ADCY2: variants seen among roughly 807,000 people sequenced by gnomAD.
ADCY2 encodes adenylate cyclase 2, also known as adenylate cyclase type 2.
ADCY2 carries 31 observed loss-of-function variants against 125.2 expected under a neutral mutation model. That is an observed-to-expected ratio of 0.25 (90% CI 0.19 to 0.33). The LOEUF is 0.33. ADCY2 is among the 10% of genes least tolerant of loss of function. ADCY2 has a pLI of 1.00. For synonymous variants in ADCY2, 512 were observed against 548.4 expected, an observed-to-expected ratio of 0.93 and a Z score of 0.93; for missense variants, 904 against 1,418.2, an observed-to-expected ratio of 0.64 and a Z score of 5.82.
chr5:7,477,924 A>G (rs186452803), intron 2 of ADCY2, among the ~76,000 whole-genome samples: 1 of 152,304 alleles, frequency 6.6e-6, no homozygotes, highest in East Asian at 1.9e-4. Context: ...CTTTTTGTGA[A>G]TGGACACAGC....
chr5:7,510,961 G>A (rs956591083), intron 2 of ADCY2, among the ~76,000 whole-genome samples: 3 of 152,300 alleles, frequency 2.0e-5, no homozygotes, highest in Non-Finnish European at 2.9e-5. Flanking sequence ...GAATTAACAC[G>A]TGTGTGCAGC....
intron 2 of ADCY2, among the ~76,000 whole-genome samples, chr5:7,505,553 GTAAT>G (rs1397719889): frequency 6.6e-6 from 1 of 152,192 alleles, no homozygotes; most frequent in African/African-American, 2.4e-5. Flanking sequence ...AAGATGTTAT[GTAAT>G]TCAAGAAAGC....
intron 3 of ADCY2, among the ~76,000 whole-genome samples, chr5:7,540,037 G>A (rs924589672): frequency 6.6e-6 from 1 of 152,170 alleles, no homozygotes; most frequent in African/African-American, 2.4e-5. Context: ...TCGCAACATG[G>A]ATGGAGCTGG....
At chr5:7,541,809 T>C (rs976994173) in intron 3 of ADCY2, among the ~76,000 whole-genome samples, 2 of 152,156 alleles carry the variant, frequency 1.3e-5, no homozygotes, top group African/African-American at 4.8e-5. Flanking sequence ...TTAGAACATG[T>C]GACAAATTGT....
chr5:7,571,451 T>C (rs1297361299), intron 3 of ADCY2, among the ~76,000 whole-genome samples: 1 of 152,160 alleles, frequency 6.6e-6, no homozygotes, highest in Non-Finnish European at 1.5e-5. Context: ...CCTCAGTGGA[T>C]TTGATGATAC....
At chr5:7,398,988 TA>T (rs1322069674) in intron 1 of ADCY2, among the ~76,000 whole-genome samples, 5 of 152,326 alleles carry the variant, frequency 3.3e-5, no homozygotes. Flanking sequence ...TTCATGTAAT[TA>T]GAGATGAGTT....
chr5:7,640,014 C>T (rs181157216), intron 4 of ADCY2, among the ~76,000 whole-genome samples: 147 of 152,224 alleles, frequency 9.7e-4, no homozygotes, highest in African/African-American at 3.4e-3. Flanking sequence ...TCGACATCAT[C>T]CCAGCCTGTT....
chr5:7,673,862 C>G (rs1420766236), intron 4 of ADCY2, among the ~76,000 whole-genome samples: 1 of 152,126 alleles, frequency 6.6e-6, no homozygotes, highest in East Asian at 1.9e-4. Context: ...TGTTTCCATT[C>G]TATTTGAGGC....
chr5:7,712,770 A>G, intron 10 of ADCY2, 86 bp from the exon 11 acceptor site: 1 of 935,066 alleles, frequency 1.1e-6, no homozygotes, highest in Non-Finnish European at 1.7e-6. Flanking sequence ...CCATGATAAA[A>G]GAGGAAATAT....
chr5:7,735,788 T>G (rs187694992), intron 14 of ADCY2, among the ~76,000 whole-genome samples: 6 of 152,220 alleles, frequency 3.9e-5, no homozygotes, highest in East Asian at 1.9e-4. Context: ...CTACTTTTTT[T>G]TGTGATGTCT....
At chr5:7,819,731 T>G (rs1745237149) in intron 23 of ADCY2, among the ~76,000 whole-genome samples, 1 of 152,166 alleles carries the variant, frequency 6.6e-6, no homozygotes, top group Non-Finnish European at 1.5e-5. Flanking sequence ...AGTTCAGGGA[T>G]AGCAAAGTGG....
In ADCY2 at chr5:7,783,394, T is replaced by G. The variant is rs192838893; in HGVS notation, c.2385-971T>G. On this transcript the variant is annotated intron_variant, in intron 18 of 24. Transcript: ENST00000338316. ...CTTTGACTGATGGGGAAAGTGACGTTTGAAGCGGTTTATGCAAGGTCCTAT... is the reference window on the plus strand; with the variant it reads ...CTTTGACTGATGGGGAAAGTGACGTGTGAAGCGGTTTATGCAAGGTCCTAT... Among the ~76,000 whole-genome samples, 989 of 152,216 alleles carry G rather than the reference T, an allele frequency of 6.5e-3. 5 individuals carry two copies. The highest frequency in any genetic ancestry group is 0.01 in the Non-Finnish European group (690 of 68,008).
chr5:7,581,249 A>G (rs1406124726), intron 3 of ADCY2, among the ~76,000 whole-genome samples: 1 of 152,242 alleles, frequency 6.6e-6, no homozygotes, highest in East Asian at 1.9e-4. Context: ...AAAATTTGTA[A>G]TATTTGCATT....
At chr5:7,768,453 G>C (rs145632645) in intron 17 of ADCY2, among the ~76,000 whole-genome samples, 1,714 of 152,100 alleles carry the variant, frequency 0.011, 15 homozygotes, top group Non-Finnish European at 0.017. Context: ...AGAGTGCACC[G>C]ACCAAACAGT....
At chr5:7,591,256 T>G (rs1267077994) in intron 3 of ADCY2, among the ~76,000 whole-genome samples, 2 of 152,236 alleles carry the variant, frequency 1.3e-5, no homozygotes, top group Admixed American at 6.5e-5. Flanking sequence ...TGGCTTTTTA[T>G]GCAATGAAAC....
rs373885666 is a variant in ADCY2, at chr5:7,772,973, C to T, written c.2256C>T (p.Ser752=). 24 of 1,613,982 alleles carry T rather than the reference C, an allele frequency of 1.5e-5. No homozygotes were observed. In the African/African-American group the frequency reaches 1.7e-4, roughly 12 times the overall value. ...GCATTCTGGGACTGATATCCTGTTC[C>T]GTGTTCCTGCGGGTAAACTATGAGC... ...YSCILGLISC[S]VFLRVNYELK... The change falls in exon 18 of 25, where the codon TCC becomes TCT. Residue 752 remains serine, a synonymous_variant. Transcript: ENST00000338316.
chr5:7,500,624 CA>C (rs1459621394), intron 2 of ADCY2, among the ~76,000 whole-genome samples: 2 of 152,090 alleles, frequency 1.3e-5, no homozygotes, highest in Non-Finnish European at 2.9e-5. Flanking sequence ...GAATATTCTA[CA>C]AAATACCTTA....
intron 14 of ADCY2, among the ~76,000 whole-genome samples, chr5:7,741,623 TTATCACCATCATCATCACCATCAC>T (rs1742414844): frequency 2.0e-4 from 5 of 25,292 alleles, no homozygotes; most frequent in Admixed American, 7.0e-4. Context: ...ATCACCATCA[TTATCACCATCATCATCACCATCAC>T]CATCCTCATT....
chr5:7,587,479 TA>T (rs887918720), intron 3 of ADCY2, among the ~76,000 whole-genome samples: 7 of 151,764 alleles, frequency 4.6e-5, no homozygotes, highest in Admixed American at 1.3e-4. Flanking sequence ...CATGATGTAG[TA>T]AAAAAAAATT....
Sources: gnomAD v4.1 joint callset for allele counts (sites outside exome capture counted in the v4.1 genomes callset) on GRCh38, gnomAD v4.1.1 for gene constraint, MANE v1.5 for transcripts, NCBI Gene and HGNC (gene_info 2026-07-23, HGNC 2026-07-21) for gene names.